Variants in CDC5L observed in about 807,000 individuals in gnomAD.
CDC5L encodes the protein cell division cycle 5-like protein.
Under a neutral mutation model 104.1 loss-of-function variants are expected in CDC5L, and 18 were observed. The ratio of observed to expected loss-of-function variants is 0.17; its 90% CI spans 0.12 to 0.26. CDC5L has a LOEUF of 0.26. Among genes scored for constraint, CDC5L ranks in the 10% least tolerant of loss-of-function variants. The pLI, the probability that CDC5L is intolerant of heterozygous loss-of-function variation, is 1.00. For synonymous variants in CDC5L, 331 were observed against 322.7 expected, an observed-to-expected ratio of 1.03 and a Z score of -0.28; for missense variants, 673 against 956.9, an observed-to-expected ratio of 0.70 and a Z score of 3.91.
Position 44,392,727 on chromosome 6 carries a change from A to G in CDC5L, c.210A>G (p.Lys70=). ...KTEWSREEEE[K]LLHLAKLMPT... ...AATGGTCCAGAGAAGAAGAGGAAAA[A>G]CTCTTGCACTTGGCCAAGTTGATGC... Residue 70 remains lysine, a synonymous_variant, in exon 3 of 16, where the codon AAA becomes AAG. Coordinates refer to ENST00000371477, the MANE Select transcript of CDC5L (RefSeq NM_001253.4). 1 of 1,613,972 alleles carries G rather than the reference A, an allele frequency of 6.2e-7. No homozygotes were observed. The highest frequency in any genetic ancestry group is 8.5e-7 in the Non-Finnish European group (1 of 1,179,976).
Position 44,424,627 on chromosome 6 carries a change from T to C in CDC5L, c.1569+44T>C, listed in dbSNP as rs138772535. 7,518 of 1,590,368 alleles carry C rather than the reference T, an allele frequency of 4.7e-3. 71 individuals carry two copies. Among genetic ancestry groups the C allele is most frequent in the Non-Finnish European group, 4.5e-3 (5,170 of 1,160,112 alleles). ...AGAAGCGTGAGTTTGGCTGAATGTG[T>C]CAGTAGGCTGGAAGAATGAAGAATA... On this transcript the variant is annotated intron_variant, in intron 11 of 15. Coordinates refer to ENST00000371477, the MANE Select transcript of CDC5L (RefSeq NM_001253.4).
At chr6:44,443,628 C>T (rs1239044191) in intron 14 of CDC5L, among the ~76,000 whole-genome samples, 1 of 149,882 alleles carries the variant, frequency 6.7e-6, no homozygotes, top group Non-Finnish European at 1.5e-5. Flanking sequence ...CTGTCAAACC[C>T]CTATATTGAA....
At chr6:44,434,184 C>T (rs961891662) in intron 14 of CDC5L, among the ~76,000 whole-genome samples, 3 of 152,218 alleles carry the variant, frequency 2.0e-5, no homozygotes, top group Non-Finnish European at 2.9e-5. Context: ...TATGCCTCAA[C>T]ATGAATTGAA....
chr6:44,392,036 C>CG (rs1790648065), intron 2 of CDC5L, among the ~76,000 whole-genome samples: 2 of 152,016 alleles, frequency 1.3e-5, no homozygotes, highest in Non-Finnish European at 2.9e-5. Flanking sequence ...CTGAAGAAGT[C>CG]GTTCTGATTT....
intron 13 of CDC5L, 89 bp downstream of exon 13, chr6:44,426,813 T>G (rs1450465803): frequency 7.7e-7 from 1 of 1,299,358 alleles, no homozygotes; most frequent in Non-Finnish European, 1.1e-6. Context: ...TATTTTTCCC[T>G]GTTGGTATTC....
chr6:44,431,137 T>C (rs1024833349), intron 14 of CDC5L, among the ~76,000 whole-genome samples: 1 of 152,158 alleles, frequency 6.6e-6, no homozygotes, highest in African/African-American at 2.4e-5. Context: ...TTAATTTGAG[T>C]TATTCTGAGT....
intron 8 of CDC5L, among the ~76,000 whole-genome samples, chr6:44,414,871 A>G (rs1316221986): frequency 6.6e-6 from 1 of 152,096 alleles, no homozygotes; most frequent in Non-Finnish European, 1.5e-5. Flanking sequence ...GGTCATGAAG[A>G]GTTATTCCCA....
At chr6:44,429,015 CT>C (rs922435895) in intron 13 of CDC5L, among the ~76,000 whole-genome samples, 2,855 of 95,658 alleles carry the variant, frequency 0.03, 11 homozygotes, top group African/African-American at 0.079. Context: ...GTTTCATTAG[CT>C]TTTTTTTTTT....
intron 14 of CDC5L, among the ~76,000 whole-genome samples, chr6:44,443,133 CT>C (rs1262748855): frequency 6.9e-6 from 1 of 145,450 alleles, no homozygotes; most frequent in Non-Finnish European, 1.5e-5. Flanking sequence ...CTTTTCCTTC[CT>C]TCCTTTTCTT....
At chr6:44,400,884 C>T (rs551107957) in intron 5 of CDC5L, among the ~76,000 whole-genome samples, 1 of 152,180 alleles carries the variant, frequency 6.6e-6, no homozygotes, top group African/African-American at 2.4e-5. Context: ...GCATAAGTTG[C>T]ACTACAAAGT....
In CDC5L at chr6:44,412,781, C is replaced by CTTTT. The variant is rs397950082; in HGVS notation, c.1092+4165_1092+4168dup. Among the ~76,000 whole-genome samples the CTTTT allele has an allele frequency of 4.6e-3, 491 of 106,564 alleles. 28 individuals carry two copies. Among genetic ancestry groups the CTTTT allele is most frequent in the African/African-American group, 0.017 (446 of 26,252 alleles). The allele number at this position is 106,564 out of a possible 152,430, so 69.9% of individuals were successfully genotyped here. A position where few individuals can be genotyped will look rare whatever the true frequency, so the allele number is the denominator to read the frequency against. On this transcript the variant is annotated intron_variant, in intron 8 of 15. Coordinates refer to ENST00000371477, the MANE Select transcript of CDC5L (RefSeq NM_001253.4). The stretch of plus-strand genomic sequence containing the variant: ...ACCACAGTCAATTTTAGAATAATTT[C>CTTTT]TTTTTTTTTTTTTTTTTTTGAGACG...
chr6:44,405,668 C>G (rs1791329881), intron 6 of CDC5L, among the ~76,000 whole-genome samples: 1 of 151,944 alleles, frequency 6.6e-6, no homozygotes, highest in Non-Finnish European at 1.5e-5. Flanking sequence ...CATACTTTTT[C>G]CTATGTGCAC....
chr6:44,442,220 C>T (rs1244284050), intron 14 of CDC5L, among the ~76,000 whole-genome samples: 1 of 152,138 alleles, frequency 6.6e-6, no homozygotes, highest in Non-Finnish European at 1.5e-5. Flanking sequence ...CAGGCATGAG[C>T]CGCCATGCCT....
intron 11 of CDC5L, among the ~76,000 whole-genome samples, chr6:44,425,657 A>G (rs1430039665): frequency 2.6e-5 from 4 of 152,126 alleles, no homozygotes; most frequent in Non-Finnish European, 1.5e-5. Context: ...TTTGAGTTAC[A>G]TTTACTCCTT....
At chr6:44,443,897 ACTCT>A (rs1055652223) in intron 14 of CDC5L, among the ~76,000 whole-genome samples, 9 of 138,904 alleles carry the variant, frequency 6.5e-5, no homozygotes, top group African/African-American at 1.9e-4. Flanking sequence ...ATTGTTCTTG[ACTCT>A]CTCTGTGTTG....
chr6:44,399,419 C>T (rs1439150196), intron 5 of CDC5L, among the ~76,000 whole-genome samples: 2 of 152,136 alleles, frequency 1.3e-5, no homozygotes. Context: ...TATATATCTT[C>T]AAATATTTAA....
At chr6:44,393,201 G>A (rs1174916924) in intron 3 of CDC5L, among the ~76,000 whole-genome samples, 1 of 140,072 alleles carries the variant, frequency 7.1e-6, no homozygotes. Context: ...AATTTGTATG[G>A]CTGTACCGCA....
intron 13 of CDC5L, among the ~76,000 whole-genome samples, chr6:44,427,945 A>G (rs1444662055): frequency 1.3e-5 from 2 of 152,226 alleles, no homozygotes; most frequent in African/African-American, 4.8e-5. Flanking sequence ...TTGAAAAATA[A>G]TAATTCTAAG....
At chr6:44,432,246 G>T (rs1356521044) in intron 14 of CDC5L, among the ~76,000 whole-genome samples, 3 of 152,130 alleles carry the variant, frequency 2.0e-5, no homozygotes, top group Non-Finnish European at 4.4e-5. Context: ...TTTCATTTCA[G>T]TTGATTGCTA....
Sources: allele counts gnomAD v4.1 joint callset (sites outside exome capture counted in the v4.1 genomes callset), GRCh38; gene constraint gnomAD v4.1.1; transcripts MANE v1.5; gene names NCBI Gene and HGNC (gene_info 2026-07-23, HGNC 2026-07-21).